Variants in POU6F2 observed in about 807,000 individuals in gnomAD.
POU6F2 encodes the protein POU domain, class 6, transcription factor 2.
POU6F2 carries 31 observed loss-of-function variants against 71.3 expected under a neutral mutation model. The ratio of observed to expected loss-of-function variants is 0.43; its 90% CI spans 0.33 to 0.59. The LOEUF (loss-of-function observed/expected upper bound fraction) is 0.59. POU6F2 is among the 20% of genes least tolerant of loss of function. POU6F2 has a pLI of 0.04. For missense variants in POU6F2, 783 were observed against 856.8 expected, an observed-to-expected ratio of 0.91 and a Z score of 1.07; for synonymous variants, 347 against 355.7, an observed-to-expected ratio of 0.98 and a Z score of 0.27.
At chr7:39,191,059 A>G (rs775773724) in intron 2 of POU6F2, among the ~76,000 whole-genome samples, 3 of 152,154 alleles carry the variant, frequency 2.0e-5, no homozygotes, top group Non-Finnish European at 4.4e-5. Flanking sequence ...TCGACTTCCT[A>G]TTGTCTGTGC....
At chr7:39,053,651 C>T (rs1452347405) in intron 1 of POU6F2, among the ~76,000 whole-genome samples, 1 of 151,890 alleles carries the variant, frequency 6.6e-6, no homozygotes, top group East Asian at 1.9e-4. Flanking sequence ...AGATAATTGC[C>T]CATTTTTTTT....
chr7:39,286,666 G>A (rs996966437), intron 4 of POU6F2, among the ~76,000 whole-genome samples: 8 of 152,118 alleles, frequency 5.3e-5, no homozygotes, highest in Non-Finnish European at 1.0e-4. Context: ...TCATTCCTTG[G>A]CCCTATTACG....
intron 2 of POU6F2, among the ~76,000 whole-genome samples, chr7:39,153,192 TA>T (rs1792796257): frequency 6.6e-6 from 1 of 151,456 alleles, no homozygotes; most frequent in Admixed American, 6.6e-5. Flanking sequence ...AAAGATTTTA[TA>T]TATATATATA....
At chr7:39,254,360 A>G (rs1005909790) in intron 4 of POU6F2, among the ~76,000 whole-genome samples, 4 of 152,184 alleles carry the variant, frequency 2.6e-5, no homozygotes, top group African/African-American at 9.7e-5. Context: ...TGGAAGAGTC[A>G]AGGTTTGTAG....
intron 7 of POU6F2, among the ~76,000 whole-genome samples, chr7:39,449,224 C>T (rs917620154): frequency 6.6e-6 from 1 of 152,154 alleles, no homozygotes; most frequent in Non-Finnish European, 1.5e-5. Flanking sequence ...GTTCAGCAGC[C>T]ACATAGGCTG....
At chr7:39,254,950 C>T (rs887589658) in intron 4 of POU6F2, among the ~76,000 whole-genome samples, 1 of 151,974 alleles carries the variant, frequency 6.6e-6, no homozygotes, top group Non-Finnish European at 1.5e-5. Flanking sequence ...ATTTGACAGC[C>T]CAAGAAAAAC....
At chr7:39,155,573 C>G (rs146166652) in intron 2 of POU6F2, among the ~76,000 whole-genome samples, 57 of 152,214 alleles carry the variant, frequency 3.7e-4, no homozygotes, top group African/African-American at 1.3e-3. Flanking sequence ...AAAAACTTTG[C>G]TAGCAAATCT....
intron 6 of POU6F2, among the ~76,000 whole-genome samples, chr7:39,418,970 T>C (rs1441998199): frequency 8.3e-6 from 1 of 120,900 alleles, no homozygotes; most frequent in Non-Finnish European, 1.7e-5. Flanking sequence ...TATATGTGTA[T>C]ATATGTATAT....
At chr7:39,355,464 T>G (rs1241233444) in intron 5 of POU6F2, among the ~76,000 whole-genome samples, 1 of 152,094 alleles carries the variant, frequency 6.6e-6, no homozygotes, top group Non-Finnish European at 1.5e-5. Context: ...GTGTTTCTTC[T>G]TATGAGACAA....
intron 5 of POU6F2, among the ~76,000 whole-genome samples, chr7:39,387,946 C>A (rs1369481045): frequency 6.6e-6 from 1 of 152,164 alleles, no homozygotes; most frequent in Non-Finnish European, 1.5e-5. Flanking sequence ...GTCATCCAAT[C>A]CATCAACAAG....
intron 4 of POU6F2, among the ~76,000 whole-genome samples, chr7:39,311,601 G>A (rs900144933): frequency 6.6e-6 from 1 of 152,202 alleles, no homozygotes. Flanking sequence ...ATTAGTGGAT[G>A]GGTGGATAAA....
intron 2 of POU6F2, among the ~76,000 whole-genome samples, chr7:39,127,333 T>A (rs1792160355): frequency 6.6e-6 from 1 of 152,182 alleles, no homozygotes; most frequent in Non-Finnish European, 1.5e-5. Flanking sequence ...ATTTTAGAAA[T>A]GATGAAGAGG....
intron 2 of POU6F2, among the ~76,000 whole-genome samples, chr7:39,113,837 C>T (rs1472939367): frequency 6.6e-6 from 1 of 152,110 alleles, no homozygotes; most frequent in Non-Finnish European, 1.5e-5. Flanking sequence ...CAACATGGTG[C>T]ATTGCTCTTG....
At chr7:39,196,015 C>G (rs1178702224) in intron 2 of POU6F2, among the ~76,000 whole-genome samples, 2 of 152,184 alleles carry the variant, frequency 1.3e-5, no homozygotes, top group African/African-American at 4.8e-5. Flanking sequence ...AAAGCCAGCT[C>G]TTGGTAATTC....
intron 1 of POU6F2, among the ~76,000 whole-genome samples, chr7:39,024,494 T>A (rs1789754504): frequency 1.3e-5 from 2 of 152,144 alleles, no homozygotes; most frequent in African/African-American, 4.8e-5. Context: ...GAATACCCTT[T>A]ATTTCCTTCT....
chr7:39,209,249 G>A (rs1794091889), intron 4 of POU6F2, among the ~76,000 whole-genome samples: 1 of 152,106 alleles, frequency 6.6e-6, no homozygotes, highest in South Asian at 2.1e-4. Context: ...GGTTCTTTGA[G>A]TCACCTCTGG....
At chr7:39,331,449 G>A (rs1031313193) in intron 4 of POU6F2, among the ~76,000 whole-genome samples, 1 of 152,134 alleles carries the variant, frequency 6.6e-6, no homozygotes, top group African/African-American at 2.4e-5. Context: ...CTGTCTTTTA[G>A]ATAATAACCA....
intron 4 of POU6F2, among the ~76,000 whole-genome samples, chr7:39,304,966 G>A (rs1000550991): frequency 1.3e-5 from 2 of 152,204 alleles, no homozygotes; most frequent in Non-Finnish European, 2.9e-5. Context: ...GTTAGAAGAC[G>A]CAACACATAC....
intron 4 of POU6F2, among the ~76,000 whole-genome samples, chr7:39,308,428 C>T (rs1785089080): frequency 6.6e-6 from 1 of 152,202 alleles, no homozygotes; most frequent in South Asian, 2.1e-4. Context: ...ATGAGGGGCC[C>T]TGGGACGTAA....
Sources: allele counts gnomAD v4.1 joint callset (sites outside exome capture counted in the v4.1 genomes callset), GRCh38; gene constraint gnomAD v4.1.1; transcripts MANE v1.5; gene names NCBI Gene and HGNC (gene_info 2026-07-23, HGNC 2026-07-21).